The following CAST variants were observed in gnomAD, a reference collection of about 807,000 sequenced individuals.
CAST encodes calpastatin.
In CAST, 76 loss-of-function variants were observed where a neutral mutation model predicts 119.6. The observed-to-expected ratio is 0.64, with a 90% CI of 0.53 to 0.77. CAST has a LOEUF of 0.77. CAST is among the 30% of genes least tolerant of loss of function. The probability of loss-of-function intolerance (pLI) is 0.00; values close to 1 mark genes in which losing one functional copy is unlikely to be tolerated. For missense variants in CAST, 953 were observed against 946.5 expected (o/e 1.01, Z -0.09); for synonymous variants, 319 against 331.6 (o/e 0.96, Z 0.41).
chr5:96,391,360 G>A, the CAST span: 3 of 152,262 alleles, frequency 2.0e-5, no homozygotes, highest in South Asian at 4.1e-4. Context: ...CAAACTTCAT[G>A]GAAAAATTGC....
chr5:96,167,429 G>A, the CAST span, among the ~76,000 whole-genome samples: 1 of 152,138 alleles, frequency 6.6e-6, no homozygotes, highest in Non-Finnish European at 1.5e-5. Context: ...GATGAGACTG[G>A]GGCCTAATAA....
chr5:96,487,012 C>T, the CAST span, among the ~76,000 whole-genome samples: 1 of 152,172 alleles, frequency 6.6e-6, no homozygotes, highest in African/African-American at 2.4e-5. Context: ...ACTTGTGGAC[C>T]TTAACTGGGA....
rs890281032 is a variant in CAST, at chr5:96,668,159, C to T, written c.75+5662C>T. 5.3e-5 allele frequency among the ~76,000 whole-genome samples: 8 copies of T among 152,284 alleles called. No individual in the cohort carries two copies. In the East Asian group the frequency reaches 1.2e-3, roughly 22 times the overall value. ...CAGCACAGACACGCGTGCACACACA[C>T]ACACACACACACACCCTTTCAACAT... On this transcript the variant is annotated intron_variant, in intron 1 of 31. Coordinates refer to ENST00000675179, the MANE Select transcript of CAST (RefSeq NM_001750.7).
chr5:96,302,634 C>A, the CAST span, among the ~76,000 whole-genome samples: 1 of 152,170 alleles, frequency 6.6e-6, no homozygotes, highest in Non-Finnish European at 1.5e-5. Context: ...TTGCCAGATA[C>A]CCTAAATCAT....
At chr5:96,548,364 G>C (rs1746055585) in intron 1 of CAST, among the ~76,000 whole-genome samples, 1 of 152,126 alleles carries the variant, frequency 6.6e-6, no homozygotes, top group African/African-American at 2.4e-5. Context: ...CATAGCTACA[G>C]ACTTTTTAAT....
the CAST span, among the ~76,000 whole-genome samples, chr5:96,157,877 T>A: frequency 6.6e-6 from 1 of 152,206 alleles, no homozygotes; most frequent in Non-Finnish European, 1.5e-5. Flanking sequence ...TTCAAGCACG[T>A]AGATTTAGGG....
chr5:96,245,126 T>A, the CAST span, among the ~76,000 whole-genome samples: 2 of 152,246 alleles, frequency 1.3e-5, no homozygotes, highest in Non-Finnish European at 2.9e-5. Flanking sequence ...ATTCATACTA[T>A]GACATATTTA....
chr5:96,399,467 C>G, the CAST span, among the ~76,000 whole-genome samples: 2 of 152,014 alleles, frequency 1.3e-5, no homozygotes, highest in Non-Finnish European at 2.9e-5. Context: ...ATGTGGTGTG[C>G]TAGAGGGAGT....
the CAST span, among the ~76,000 whole-genome samples, chr5:96,129,398 G>C: frequency 1.3e-5 from 2 of 152,104 alleles, no homozygotes; most frequent in African/African-American, 2.4e-5. Flanking sequence ...AGAGAGGCAA[G>C]CTTCAACAAG....
the CAST span, among the ~76,000 whole-genome samples, chr5:96,323,084 A>G: frequency 6.6e-6 from 1 of 151,728 alleles, no homozygotes; most frequent in African/African-American, 2.4e-5. Flanking sequence ...GACTTTTGCA[A>G]CTCTCTGCTC....
the CAST span, among the ~76,000 whole-genome samples, chr5:96,520,019 G>T: frequency 6.6e-6 from 1 of 152,060 alleles, no homozygotes; most frequent in African/African-American, 2.4e-5. Flanking sequence ...TTGGAAAAAA[G>T]TTGTCCAACC....
At chr5:96,532,203 A>T (rs1197669994) in intron 1 of CAST, among the ~76,000 whole-genome samples, 1 of 152,188 alleles carries the variant, frequency 6.6e-6, no homozygotes. Context: ...ATTATCAAAG[A>T]CATAATGCAA....
At chr5:96,303,998 A>G in the CAST span, among the ~76,000 whole-genome samples, 26 of 152,230 alleles carry the variant, frequency 1.7e-4, no homozygotes, top group East Asian at 4.1e-3. Flanking sequence ...TGGTATTTCT[A>G]GTTCTAGATC....
At chr5:96,487,148 G>A in the CAST span, among the ~76,000 whole-genome samples, 343 of 151,738 alleles carry the variant, frequency 2.3e-3, 1 homozygote, top group African/African-American at 7.1e-3. Flanking sequence ...TGTAATATGT[G>A]GGGCAGTTCT....
the CAST span, among the ~76,000 whole-genome samples, chr5:96,018,963 T>C: frequency 1.3e-5 from 2 of 152,210 alleles, no homozygotes; most frequent in African/African-American, 4.8e-5. Context: ...CGAGCTTGGG[T>C]GCTTGTAGAG....
chr5:96,399,977 A>G, the CAST span: 3 of 1,613,824 alleles, frequency 1.9e-6, no homozygotes, highest in Non-Finnish European at 2.5e-6. Flanking sequence ...ATTGTCCTTT[A>G]CAACACACTC....
chr5:96,406,041 T>G, the CAST span, among the ~76,000 whole-genome samples: 1 of 152,202 alleles, frequency 6.6e-6, no homozygotes, highest in Non-Finnish European at 1.5e-5. Context: ...GACCCTATTT[T>G]CTTCCAGTCC....
chr5:96,769,070 A>G (rs1426264612), intron 29 of CAST: 2 of 152,232 alleles, frequency 1.3e-5, no homozygotes, highest in Non-Finnish European at 2.9e-5. Context: ...CCCTCAAGCT[A>G]CACCCTCTTG....
chr5:96,183,160 A>AAATAATAATAAT, the CAST span, among the ~76,000 whole-genome samples: 1,282 of 143,256 alleles, frequency 8.9e-3, 5 homozygotes, highest in South Asian at 0.016. Flanking sequence ...AAAATAAATA[A>AAATAATAATAAT]AATAATAATA....
Sources: allele counts gnomAD v4.1 joint callset (sites outside exome capture counted in the v4.1 genomes callset), GRCh38; gene constraint gnomAD v4.1.1; transcripts MANE v1.5; gene names NCBI Gene and HGNC (gene_info 2026-07-23, HGNC 2026-07-21).